The following SNX13 variants were observed in gnomAD, a reference collection of about 807,000 sequenced individuals.
SNX13 encodes sorting nexin-13.
Under a neutral mutation model 133.6 loss-of-function variants are expected in SNX13, and 45 were observed. The ratio of observed to expected loss-of-function variants is 0.34; its 90% confidence interval spans 0.27 to 0.43. The LOEUF is 0.43. SNX13 is among the 20% of genes least tolerant of loss of function. SNX13 has a pLI of 1.00. For missense variants in SNX13, 1,032 were observed against 1,145.1 expected (o/e 0.90, Z 1.43); for synonymous variants, 414 against 373.9 (o/e 1.11, Z -1.24).
intron 1 of SNX13, among the ~76,000 whole-genome samples, chr7:17,935,583 T>A (rs967969343): frequency 1.1e-4 from 17 of 152,218 alleles, no homozygotes; most frequent in African/African-American, 3.9e-4. Context: ...TATCACCCTG[T>A]ACCCCATAAA....
chr7:17,816,076 G>A (rs1355144791), intron 19 of SNX13, 106 bp downstream of exon 19: 1 of 1,266,018 alleles, frequency 7.9e-7, no homozygotes, highest in African/African-American at 1.5e-5. Context: ...TTGCTACCCT[G>A]TGATTACAGT....
chr7:17,846,678 C>A (rs1790571465), intron 11 of SNX13, among the ~76,000 whole-genome samples: 2 of 150,198 alleles, frequency 1.3e-5, no homozygotes, highest in African/African-American at 2.4e-5. Flanking sequence ...AAAAAAAAAA[C>A]AAATCCATCT....
chr7:17,932,500 A>C (rs1801496688), intron 1 of SNX13, among the ~76,000 whole-genome samples: 1 of 152,166 alleles, frequency 6.6e-6, no homozygotes, highest in South Asian at 2.1e-4. Flanking sequence ...CTTTAATCTT[A>C]ATTTTTCTTG....
intron 18 of SNX13, among the ~76,000 whole-genome samples, chr7:17,820,874 CTTT>C (rs1276769971): frequency 6.6e-6 from 1 of 151,608 alleles, no homozygotes; most frequent in Non-Finnish European, 1.5e-5. Context: ...CATCAAAGAT[CTTT>C]TTTTTAAGTT....
At chr7:17,830,408 C>T (rs1788360737) in intron 15 of SNX13, 3 of 984,284 alleles carry the variant, frequency 3.0e-6, no homozygotes, top group Non-Finnish European at 2.4e-6. Context: ...CATTAGGAAA[C>T]ACCAGCACTA....
chr7:17,810,705 G>A (rs1021653058), intron 20 of SNX13, among the ~76,000 whole-genome samples: 5 of 152,098 alleles, frequency 3.3e-5, no homozygotes, highest in African/African-American at 1.2e-4. Context: ...CAAAAAAAGA[G>A]AAAATTTCAG....
At position 17,858,861 on chromosome 7, in the gene SNX13, A is replaced by G. The variant is rs191105780; in HGVS notation, c.838-7897T>C. On this transcript the variant is annotated intron_variant, in intron 9 of 25. Transcript: ENST00000428135. Reference sequence around the variant, plus strand: ...GTAAGGTGCCAAGGAAATTAATTTTATGAAAAAGTCTTTTCAACAAATGGT... The same window carrying G: ...GTAAGGTGCCAAGGAAATTAATTTTGTGAAAAAGTCTTTTCAACAAATGGT... Among the ~76,000 whole-genome samples, 431 of 152,286 alleles carry G rather than the reference A, an allele frequency of 2.8e-3. 13 individuals carry two copies. Among genetic ancestry groups the G allele is most frequent in the Admixed American group, 0.025 (390 of 15,302 alleles).
intron 5 of SNX13, among the ~76,000 whole-genome samples, chr7:17,879,016 A>G (rs893182149): frequency 5.9e-5 from 9 of 152,004 alleles, no homozygotes; most frequent in Admixed American, 1.3e-4. Flanking sequence ...CCACATGCCA[A>G]CCTTCACTGA....
At chr7:17,889,998 G>A (rs1263157846) in intron 5 of SNX13, 2 of 159,786 alleles carry the variant, frequency 1.3e-5, no homozygotes, top group African/African-American at 4.8e-5. Flanking sequence ...CAGTTACACT[G>A]AAACTAATCT....
At chr7:17,845,833 A>C in intron 11 of SNX13, 139 bp from the exon 12 acceptor site, 1 of 559,678 alleles carries the variant, frequency 1.8e-6, no homozygotes, top group Non-Finnish European at 3.2e-6. Flanking sequence ...GTTGTTTCCC[A>C]ATAGATATAC....
At chr7:17,897,901 C>T (rs944464869) in intron 1 of SNX13, 2 of 150,530 alleles carry the variant, frequency 1.3e-5, no homozygotes, top group Non-Finnish European at 3.0e-5. Flanking sequence ...CATAAGGAGA[C>T]ATTTTATTAG....
intron 7 of SNX13, 128 bp downstream of exon 7, chr7:17,875,352 A>G (rs1176680676): frequency 1.6e-6 from 1 of 644,712 alleles, no homozygotes; most frequent in Non-Finnish European, 2.6e-6. Context: ...ATAAAATAAA[A>G]TGAATAGCAT....
At position 17,803,419 on chromosome 7, in the gene SNX13, C is replaced by G. The variant is rs1784852669; in HGVS notation, c.2226G>C (p.Lys742Asn). 1 of 1,602,174 alleles carries G rather than the reference C, an allele frequency of 6.2e-7. No homozygotes were observed. The highest frequency in any genetic ancestry group is 1.3e-5 in the African/African-American group (1 of 74,528). Residue 742 changes from lysine (K) to asparagine (N), a missense_variant and splice_region_variant, in exon 21 of 26, where the codon AAG (lysine) becomes AAC (asparagine). Lys to Asn is a moderately conservative substitution (Grantham distance 94). Transcript: ENST00000428135. ...GACATTACTGAAAATGTCTTCTTAC[C>G]TTAAAAAATGATTGCTTTATGTCTT... The part of the protein sequence containing the change: ...LGQDIKQSFF[K>N]VPPLIPKTDS...
chr7:17,933,203 T>A (rs1562546061), intron 1 of SNX13, among the ~76,000 whole-genome samples: 1 of 152,224 alleles, frequency 6.6e-6, no homozygotes, highest in Non-Finnish European at 1.5e-5. Flanking sequence ...GACAAATGAC[T>A]GGTAACCCTC....
intron 2 of SNX13, among the ~76,000 whole-genome samples, chr7:17,894,659 T>C (rs1002254201): frequency 6.6e-6 from 1 of 152,216 alleles, no homozygotes. Context: ...CAATATTTCA[T>C]AGATTTTAAA....
At chr7:17,934,878 G>C (rs983278031) in intron 1 of SNX13, among the ~76,000 whole-genome samples, 6 of 152,108 alleles carry the variant, frequency 3.9e-5, no homozygotes, top group Admixed American at 3.9e-4. Flanking sequence ...AAAAATGAGA[G>C]TAAGTGATGC....
At chr7:17,856,707 A>C (rs987022539) in intron 9 of SNX13, among the ~76,000 whole-genome samples, 1 of 151,004 alleles carries the variant, frequency 6.6e-6, no homozygotes, top group African/African-American at 2.4e-5. Flanking sequence ...TGGGAGGATC[A>C]CATGAGCCTG....
At chr7:17,899,157 A>G (rs1364709697) in intron 1 of SNX13, 3 of 152,178 alleles carry the variant, frequency 2.0e-5, no homozygotes, top group African/African-American at 7.2e-5. Flanking sequence ...GGCCTGTACA[A>G]CTTCCACTGA....
chr7:17,832,362 A>G (rs1788598143), intron 15 of SNX13: 1 of 984,484 alleles, frequency 1.0e-6, no homozygotes, highest in African/African-American at 1.7e-5. Context: ...AGGATCAAAA[A>G]TTACTTCCAC....
Sources: gnomAD v4.1 joint callset for allele counts (sites outside exome capture counted in the v4.1 genomes callset) on GRCh38, gnomAD v4.1.1 for gene constraint, MANE v1.5 for transcripts, NCBI Gene and HGNC (gene_info 2026-07-23, HGNC 2026-07-21) for gene names.